NTRK2: variants seen among roughly 807,000 people sequenced by gnomAD.
The protein encoded by NTRK2 is BDNF/NT-3 growth factors receptor.
In NTRK2, 13 loss-of-function variants were observed where a neutral mutation model predicts 94.5. That is an observed-to-expected ratio of 0.14 (90% confidence interval 0.09 to 0.22). NTRK2 has a LOEUF of 0.22. NTRK2 is among the 10% of genes least tolerant of loss of function. NTRK2 has a pLI of 1.00. For synonymous variants in NTRK2, 372 were observed against 407.4 expected, an observed-to-expected ratio of 0.91 and a Z score of 1.05; for missense variants, 639 against 1,071.2, an observed-to-expected ratio of 0.60 and a Z score of 5.63.
chr9:84,849,889 C>T (rs1458940281), intron 12 of NTRK2, among the ~76,000 whole-genome samples: 2 of 152,128 alleles, frequency 1.3e-5, no homozygotes, highest in African/African-American at 4.8e-5. Flanking sequence ...GAGTACCTAC[C>T]ATGTGGGAAG....
At chr9:84,966,159 C>G (rs758987036) in intron 17 of NTRK2, among the ~76,000 whole-genome samples, 2 of 152,178 alleles carry the variant, frequency 1.3e-5, no homozygotes, top group Non-Finnish European at 2.9e-5. Context: ...TGATATCCAA[C>G]TAAGAGAAAA....
intron 12 of NTRK2, among the ~76,000 whole-genome samples, chr9:84,794,128 G>A (rs907574526): frequency 7.9e-5 from 12 of 152,278 alleles, no homozygotes; most frequent in African/African-American, 2.6e-4. Context: ...CTGCCAGGAC[G>A]CTGAAAATGT....
In NTRK2 at chr9:84,706,521, G is replaced by GT. The variant is rs1173199220; in HGVS notation, c.360-1318dup. On this transcript the variant is annotated intron_variant, in intron 4 of 18. Coordinates refer to ENST00000277120, the MANE Select transcript of NTRK2 (RefSeq NM_006180.6). ...TCAGATCTCATGTGTGTTATTTTTT[G>GT]TTTTTGTTTTTTTTTTTTTTTTTTT... 4.5e-3 allele frequency among the ~76,000 whole-genome samples: 430 copies of GT among 95,314 alleles called. 21 individuals carry two copies. Among genetic ancestry groups the GT allele is most frequent in the African/African-American group, 0.012 (277 of 23,984 alleles). The allele number at this position is 95,314 out of a possible 152,430, so 62.5% of individuals were successfully genotyped here. A position where few individuals can be genotyped will look rare whatever the true frequency, so the allele number is the denominator to read the frequency against.
chr9:84,751,248 A>G (rs1449691565), intron 11 of NTRK2, among the ~76,000 whole-genome samples: 1 of 152,184 alleles, frequency 6.6e-6, no homozygotes, highest in Non-Finnish European at 1.5e-5. Context: ...CAGTAGAGAG[A>G]ATAGTAAAAT....
chr9:84,754,454 G>A (rs1326865155), intron 12 of NTRK2, among the ~76,000 whole-genome samples: 3 of 152,088 alleles, frequency 2.0e-5, no homozygotes, highest in Non-Finnish European at 4.4e-5. Flanking sequence ...TTAAGATATG[G>A]TTCATGTATC....
At chr9:84,877,548 C>T (rs1225377261) in intron 14 of NTRK2, 1 of 1,066,680 alleles carries the variant, frequency 9.4e-7, no homozygotes, top group Non-Finnish European at 1.1e-6. Context: ...TACCAGGGCA[C>T]TTCCTGCCAC....
intron 12 of NTRK2, among the ~76,000 whole-genome samples, chr9:84,844,502 T>A (rs1168353887): frequency 6.6e-6 from 1 of 152,180 alleles, no homozygotes; most frequent in Non-Finnish European, 1.5e-5. Context: ...TCTGGGTAAC[T>A]TTCATAAATC....
chr9:84,878,120 C>T (rs2076137896), intron 14 of NTRK2, among the ~76,000 whole-genome samples: 1 of 152,108 alleles, frequency 6.6e-6, no homozygotes, highest in Non-Finnish European at 1.5e-5. Flanking sequence ...ATGTCACTTG[C>T]TTAAGGCACA....
intron 14 of NTRK2, among the ~76,000 whole-genome samples, chr9:84,882,717 TGTGCGC>T (rs901669725): frequency 1.3e-4 from 19 of 143,942 alleles, no homozygotes; most frequent in African/African-American, 5.1e-4. Context: ...TGTGTGTGTG[TGTGCGC>T]GCGCGCGCGC....
chr9:84,703,211 C>T (rs1014830014), intron 4 of NTRK2, among the ~76,000 whole-genome samples: 13 of 152,310 alleles, frequency 8.5e-5, no homozygotes, highest in African/African-American at 2.6e-4. Context: ...AAGGTTGTTG[C>T]CTGCATTTAT....
At chr9:84,976,538 A>G (rs1826889191) in intron 17 of NTRK2, among the ~76,000 whole-genome samples, 3 of 152,218 alleles carry the variant, frequency 2.0e-5, no homozygotes, top group Admixed American at 2.0e-4. Flanking sequence ...GAGAATCAGA[A>G]TATCTCCCTG....
At chr9:84,739,273 A>C (rs562640838) in intron 9 of NTRK2, among the ~76,000 whole-genome samples, 11 of 151,438 alleles carry the variant, frequency 7.3e-5, no homozygotes, top group African/African-American at 2.7e-4. Context: ...CTGGTCTTGA[A>C]CTCCTGAGCT....
chr9:84,951,314 A>G (rs1161111097), intron 16 of NTRK2, among the ~76,000 whole-genome samples: 1 of 152,208 alleles, frequency 6.6e-6, no homozygotes, highest in Non-Finnish European at 1.5e-5. Context: ...ACAGGGGATG[A>G]CTTTTGAACA....
rs2132056163 is a variant in NTRK2 at position 84,867,237 on chromosome 9, C to T, written c.1445-6C>T. ...CAGGAGAATATATATATTTTTCCAT[C>T]TCCAGGCCCAGCCTCCGTTATCAGC... On this transcript the variant is annotated splice_polypyrimidine_tract_variant and splice_region_variant and intron_variant, in intron 13 of 18. Coordinates refer to ENST00000277120, the MANE Select transcript of NTRK2 (RefSeq NM_006180.6). 6.2e-7 allele frequency: 1 copy of T among 1,613,800 alleles called. No individual in the cohort carries two copies. The highest frequency in any genetic ancestry group is 1.1e-5 in the South Asian group (1 of 91,062).
intron 14 of NTRK2, among the ~76,000 whole-genome samples, chr9:84,907,799 T>C (rs994400036): frequency 6.6e-6 from 1 of 152,128 alleles, no homozygotes; most frequent in Non-Finnish European, 1.5e-5. Flanking sequence ...GCCTTTTGCT[T>C]TGTTCTATTT....
chr9:84,909,695 T>A (rs2077181587), intron 14 of NTRK2, among the ~76,000 whole-genome samples: 3 of 152,178 alleles, frequency 2.0e-5, no homozygotes, highest in Admixed American at 6.5e-5. Context: ...TTTCAACATC[T>A]TTTCATGTGT....
chr9:84,986,188 A>C, intron 17 of NTRK2, among the ~76,000 whole-genome samples: 1 of 151,274 alleles, frequency 6.6e-6, no homozygotes, highest in Admixed American at 6.6e-5. Context: ...CATTTTCAAC[A>C]CTCCCGCTGC....
chr9:84,709,092 A>G (rs1019177224), intron 5 of NTRK2, among the ~76,000 whole-genome samples: 8 of 152,250 alleles, frequency 5.3e-5, no homozygotes, highest in Non-Finnish European at 1.2e-4. Flanking sequence ...ACAAATCAAA[A>G]TGATATGGCA....
intron 7 of NTRK2, 146 bp from the exon 8 acceptor site, chr9:84,724,078 T>C (rs2062267826): frequency 1.2e-6 from 1 of 828,256 alleles, no homozygotes. Flanking sequence ...TCTGATTTAC[T>C]TCTTCGCCTG....
Sources: gnomAD v4.1 joint callset for allele counts (sites outside exome capture counted in the v4.1 genomes callset) on GRCh38, gnomAD v4.1.1 for gene constraint, MANE v1.5 for transcripts, NCBI Gene and HGNC (gene_info 2026-07-23, HGNC 2026-07-21) for gene names.